The following CTNNA3 variants were observed in gnomAD, a reference collection of about 807,000 sequenced individuals.
The protein encoded by CTNNA3 is catenin alpha 3.
In CTNNA3, 76 loss-of-function variants were observed where a neutral mutation model predicts 95.7. That is an observed-to-expected ratio of 0.79 (90% CI 0.66 to 0.96). The LOEUF (loss-of-function observed/expected upper bound fraction) is 0.96, where lower values mean the gene tolerates loss of function less well. CTNNA3 is among the 40% of genes least tolerant of loss of function. CTNNA3 has a pLI of 0.00. For missense variants in CTNNA3, 1,191 were observed against 1,089.8 expected, an observed-to-expected ratio of 1.09 and a Z score of -1.31; for synonymous variants, 431 against 374.4, an observed-to-expected ratio of 1.15 and a Z score of -1.74.
At chr10:66,120,627 T>C (rs1017422882) in intron 13 of CTNNA3, among the ~76,000 whole-genome samples, 5 of 152,188 alleles carry the variant, frequency 3.3e-5, no homozygotes, top group Non-Finnish European at 7.3e-5. Context: ...TGATTATAAA[T>C]TGGAGAACAG....
In CTNNA3 at chr10:66,277,492, AAAG is replaced by A. The variant is rs202161250; in HGVS notation, c.1884+2975_1884+2977del. 8.4e-3 allele frequency among the ~76,000 whole-genome samples: 1,283 copies of A among 152,296 alleles called. 10 individuals are homozygous for A. The highest frequency in any genetic ancestry group is 0.013 in the Non-Finnish European group (888 of 68,016). ...GCCAACATTAAATTTGACCTTGTAA[AAAG>A]AAGATTATACCAGATCAAGTTTATT... On this transcript the variant is annotated intron_variant, in intron 13 of 17. Coordinates refer to ENST00000433211, the MANE Select transcript of CTNNA3 (RefSeq NM_013266.4).
intron 13 of CTNNA3, among the ~76,000 whole-genome samples, chr10:66,114,005 G>A (rs2082218238): frequency 6.6e-6 from 1 of 152,144 alleles, no homozygotes; most frequent in Non-Finnish European, 1.5e-5. Flanking sequence ...GGTGGCAGCA[G>A]TAGTAGCAAC....
chr10:67,029,293 C>T (rs1208217034), intron 7 of CTNNA3, among the ~76,000 whole-genome samples: 1 of 152,108 alleles, frequency 6.6e-6, no homozygotes, highest in Admixed American at 6.5e-5. Context: ...ACAATTAAAA[C>T]AAATCCCAAA....
chr10:66,355,869 G>A (rs1334760500), intron 12 of CTNNA3, among the ~76,000 whole-genome samples: 1 of 147,182 alleles, frequency 6.8e-6, no homozygotes, highest in Non-Finnish European at 1.5e-5. Flanking sequence ...GTCATTTTTT[G>A]TATATAATGT....
intron 12 of CTNNA3, among the ~76,000 whole-genome samples, chr10:66,332,411 A>ATACATCCCATCAATACC (rs547582871): frequency 1.0e-4 from 15 of 147,008 alleles, no homozygotes; most frequent in East Asian, 6.1e-4. Flanking sequence ...TTATTTTGAG[A>ATACATCCCATCAATACC]TAATTTATTG....
intron 15 of CTNNA3, among the ~76,000 whole-genome samples, chr10:66,016,884 C>A (rs1472099980): frequency 6.6e-6 from 1 of 152,056 alleles, no homozygotes; most frequent in Non-Finnish European, 1.5e-5. Flanking sequence ...AGTATAATGA[C>A]AGAAATGTAA....
At chr10:66,253,895 A>G (rs764596147) in intron 13 of CTNNA3, among the ~76,000 whole-genome samples, 2 of 152,154 alleles carry the variant, frequency 1.3e-5, no homozygotes, top group East Asian at 1.9e-4. Context: ...ACTATCTCTG[A>G]TGGTTGCAAG....
At chr10:66,929,077 G>C (rs141795067) in intron 7 of CTNNA3, among the ~76,000 whole-genome samples, 1 of 152,326 alleles carries the variant, frequency 6.6e-6, no homozygotes, top group East Asian at 1.9e-4. Context: ...CAGGGACAAA[G>C]TGATGAAGGG....
chr10:66,138,719 T>C (rs1203373987), intron 13 of CTNNA3, among the ~76,000 whole-genome samples: 1 of 152,048 alleles, frequency 6.6e-6, no homozygotes, highest in Non-Finnish European at 1.5e-5. Flanking sequence ...ATCAGCCAGG[T>C]GTGGTGGCAT....
At chr10:66,276,459 C>T (rs1314970657) in intron 13 of CTNNA3, among the ~76,000 whole-genome samples, 1 of 151,582 alleles carries the variant, frequency 6.6e-6, no homozygotes, top group Non-Finnish European at 1.5e-5. Flanking sequence ...TGTCTTTTAC[C>T]AAAAAAAGAT....
In CTNNA3 at chr10:65,950,370, T is replaced by C. The variant is rs76426464; in HGVS notation, c.2400+16242A>G. On this transcript the variant is annotated intron_variant, in intron 17 of 17. Transcript: ENST00000433211. Reference sequence around the variant, plus strand: ...TTTATAGATTTTGACGCCAGCACTTTACTATCCTAGAATCTACAGCTACTT... The same window carrying C: ...TTTATAGATTTTGACGCCAGCACTTCACTATCCTAGAATCTACAGCTACTT... Among the ~76,000 whole-genome samples the C allele has an allele frequency of 1.2e-3, 188 of 152,294 alleles. 3 individuals are homozygous for C. In the East Asian group the frequency reaches 0.031, roughly 25 times the overall value.
chr10:65,931,440 G>C (rs2077251108), intron 17 of CTNNA3, among the ~76,000 whole-genome samples: 1 of 152,146 alleles, frequency 6.6e-6, no homozygotes, highest in Admixed American at 6.6e-5. Flanking sequence ...TCAACACACT[G>C]GAAGTAAAGG....
intron 11 of CTNNA3, among the ~76,000 whole-genome samples, chr10:66,418,556 GACACAC>G (rs57694585): frequency 2.8e-5 from 4 of 144,602 alleles, no homozygotes; most frequent in South Asian, 2.2e-4. Context: ...AGCACACAGG[GACACAC>G]ACACACACAC....
Position 67,734,371 on chromosome 10 carries a change from A to T in CTNNA3, c.-2+29063T>A, listed in dbSNP as rs188627151. Among the ~76,000 whole-genome samples the T allele has an allele frequency of 2.7e-4, 41 of 152,298 alleles. No homozygotes were observed. In the East Asian group the frequency reaches 6.2e-3, roughly 23 times the overall value. Reference sequence around the variant, plus strand: ...TACTATTTTTGAGAATTCAAGTCAAATATATAAAAATTTATTCAGTGACTA... The same window carrying T: ...TACTATTTTTGAGAATTCAAGTCAATTATATAAAAATTTATTCAGTGACTA... On this transcript the variant is annotated intron_variant, in intron 1 of 17. Coordinates refer to the CTNNA3 transcript ENST00000684154.
chr10:66,764,646 T>C (rs1839767428), intron 9 of CTNNA3, among the ~76,000 whole-genome samples: 1 of 152,186 alleles, frequency 6.6e-6, no homozygotes, highest in South Asian at 2.1e-4. Context: ...TTGGTGTGTC[T>C]TCAGCTTAGA....
At chr10:67,187,849 G>C (rs980665316) in intron 6 of CTNNA3, among the ~76,000 whole-genome samples, 2 of 152,156 alleles carry the variant, frequency 1.3e-5, no homozygotes, top group Middle Eastern at 3.2e-3. Context: ...ACCTCCCACA[G>C]TGCTGGAATT....
chr10:66,691,166 C>A (rs1248825968), intron 9 of CTNNA3, among the ~76,000 whole-genome samples: 2 of 152,184 alleles, frequency 1.3e-5, no homozygotes, highest in Non-Finnish European at 2.9e-5. Context: ...CATTGCCTCA[C>A]TCAGGAAGCG....
At chr10:66,854,585 A>G (rs2132391301) in intron 7 of CTNNA3, among the ~76,000 whole-genome samples, 1 of 152,096 alleles carries the variant, frequency 6.6e-6, no homozygotes, top group African/African-American at 2.4e-5. Flanking sequence ...GGGAAGATCC[A>G]GGAGGAATTT....
chr10:66,551,808 G>C (rs1168404599), intron 10 of CTNNA3, among the ~76,000 whole-genome samples: 5 of 150,078 alleles, frequency 3.3e-5, no homozygotes, highest in African/African-American at 9.8e-5. Flanking sequence ...TTGATGTACT[G>C]TTTTGGAGCT....
Sources: gnomAD v4.1 joint callset for allele counts (sites outside exome capture counted in the v4.1 genomes callset) on GRCh38, gnomAD v4.1.1 for gene constraint, MANE v1.5 for transcripts, NCBI Gene and HGNC (gene_info 2026-07-23, HGNC 2026-07-21) for gene names.